Variants in PTCSC3 observed in about 807,000 individuals in gnomAD.
PTCSC3 encodes papillary thyroid carcinoma susceptibility candidate 3 (non-protein coding).
In PTCSC3 at chr14:36,159,967, A is replaced by T. The variant is rs920720926; in HGVS notation, n.231+2657T>A. 8.5e-5 allele frequency among the ~76,000 whole-genome samples: 13 copies of T among 152,080 alleles called. 1 individual carries two copies. The highest frequency in any genetic ancestry group is 6.8e-3 in the Middle Eastern group (2 of 294). ...CTCTTCTTGTTGAATTGATCCCTTT[A>T]CCATTATGTAATGGCCTTCTTTGTC... is the stretch of plus-strand genomic sequence containing the variant. On this transcript the variant is annotated intron_variant and non_coding_transcript_variant, in intron 2 of 3. Transcript: ENST00000556013.
chr14:36,175,816 A>T (rs1260392277), intron 1 of PTCSC3, among the ~76,000 whole-genome samples: 2 of 152,210 alleles, frequency 1.3e-5, no homozygotes, highest in Admixed American at 6.5e-5. Context: ...TGCTTTGATT[A>T]TGTCCTCTGA....
At chr14:36,153,143 A>G (rs1229992331) in intron 3 of PTCSC3, among the ~76,000 whole-genome samples, 1 of 152,074 alleles carries the variant, frequency 6.6e-6, no homozygotes, top group Admixed American at 6.5e-5. Context: ...CTGTCTCCTC[A>G]TTGTATCCTC....
intron 1 of PTCSC3, among the ~76,000 whole-genome samples, chr14:36,171,693 A>G (rs1882196553): frequency 6.6e-6 from 1 of 152,176 alleles, no homozygotes; most frequent in Admixed American, 6.5e-5. Flanking sequence ...GAAAATAACT[A>G]TCAAAGGCAA....
At chr14:36,173,519 C>T (rs947773099) in intron 1 of PTCSC3, among the ~76,000 whole-genome samples, 6 of 151,586 alleles carry the variant, frequency 4.0e-5, no homozygotes, top group African/African-American at 1.2e-4. Context: ...TAACTCTCAG[C>T]ACCATTCTAC....
rs962391011 is a variant in PTCSC3 at position 36,145,647 on chromosome 14, G to C, written n.322+8157C>G. Among the ~76,000 whole-genome samples, 35 of 75,446 alleles carry C rather than the reference G, an allele frequency of 4.6e-4. 3 individuals carry two copies. The highest frequency in any genetic ancestry group is 1.3e-3 in the African/African-American group (32 of 23,856). 49.5% of individuals were successfully genotyped at this position (75,446 alleles called of 152,430 possible). On this transcript the variant is annotated intron_variant and non_coding_transcript_variant, in intron 3 of 3. Coordinates refer to ENST00000556013, the Ensembl canonical transcript of PTCSC3. ...CATTAATTTTTTGAAGGGTTTTTTTGTGTCTCTATTTCCTTCAGTTCTGCT... is the reference window on the plus strand; with the variant it reads ...CATTAATTTTTTGAAGGGTTTTTTTCTGTCTCTATTTCCTTCAGTTCTGCT...
chr14:36,154,280 T>A (rs1357885580), intron 2 of PTCSC3, among the ~76,000 whole-genome samples: 1 of 152,164 alleles, frequency 6.6e-6, no homozygotes, highest in East Asian at 1.9e-4. Flanking sequence ...TGGAGTTTAC[T>A]TTGTAAAAAT....
chr14:36,172,733 CTGGT>C (rs1340319320), intron 1 of PTCSC3, among the ~76,000 whole-genome samples: 1 of 152,058 alleles, frequency 6.6e-6, no homozygotes, highest in Non-Finnish European at 1.5e-5. Flanking sequence ...GCCCCATTGT[CTGGT>C]TGGTCTAATG....
chr14:36,173,139 G>A (rs1302327016), intron 1 of PTCSC3, among the ~76,000 whole-genome samples: 3 of 151,862 alleles, frequency 2.0e-5, no homozygotes, highest in Non-Finnish European at 4.4e-5. Context: ...AGCAAAATTA[G>A]GTATTTAAAG....
chr14:36,150,893 A>G (rs371671622), intron 3 of PTCSC3, among the ~76,000 whole-genome samples: 2 of 152,118 alleles, frequency 1.3e-5, no homozygotes, highest in East Asian at 1.9e-4. Context: ...ATTATTTTGA[A>G]CAAACAATTA....
chr14:36,142,866 T>C (rs1010377708), intron 3 of PTCSC3, among the ~76,000 whole-genome samples: 1 of 142,814 alleles, frequency 7.0e-6, no homozygotes, highest in Non-Finnish European at 1.5e-5. Context: ...GTCCATGTGA[T>C]TTCATTGTTC....
At chr14:36,173,949 T>G (rs1882235262) in intron 1 of PTCSC3, among the ~76,000 whole-genome samples, 1 of 152,168 alleles carries the variant, frequency 6.6e-6, no homozygotes. Flanking sequence ...AAGTAAGTGA[T>G]CATTCTTGTT....
At chr14:36,163,697 C>T (rs1169147) in intron 1 of PTCSC3, among the ~76,000 whole-genome samples, 3 of 151,924 alleles carry the variant, frequency 2.0e-5, no homozygotes, top group Non-Finnish European at 2.9e-5. Context: ...GATATAAGGT[C>T]ATTTTAGTCC....
At chr14:36,165,048 G>A (rs1397013206) in intron 1 of PTCSC3, 1 of 152,274 alleles carries the variant, frequency 6.6e-6, no homozygotes, top group Non-Finnish European at 1.5e-5. Flanking sequence ...ACCTCATTAT[G>A]CAAATAAAGA....
chr14:36,167,108 A>G (rs1332635047), intron 1 of PTCSC3, among the ~76,000 whole-genome samples: 1 of 152,218 alleles, frequency 6.6e-6, no homozygotes, highest in Non-Finnish European at 1.5e-5. Context: ...ATGTTAGAAC[A>G]AGCACATTTG....
intron 3 of PTCSC3, among the ~76,000 whole-genome samples, chr14:36,137,489 TAAGG>T (rs1881314025): frequency 6.6e-6 from 1 of 151,912 alleles, no homozygotes; most frequent in South Asian, 2.1e-4. Flanking sequence ...AGGGGGCAAA[TAAGG>T]AAGGAAGCTG....
At chr14:36,153,118 T>C (rs1057454333) in intron 3 of PTCSC3, among the ~76,000 whole-genome samples, 1 of 152,128 alleles carries the variant, frequency 6.6e-6, no homozygotes, top group Non-Finnish European at 1.5e-5. Flanking sequence ...ATGGTCCTCT[T>C]TGATTTGCAG....
At chr14:36,139,783 G>A (rs929912641) in intron 3 of PTCSC3, among the ~76,000 whole-genome samples, 1 of 152,146 alleles carries the variant, frequency 6.6e-6, no homozygotes, top group African/African-American at 2.4e-5. Context: ...TCAGCGTCTT[G>A]CATTAGTGTG....
intron 3 of PTCSC3, among the ~76,000 whole-genome samples, chr14:36,147,098 T>G (rs935481173): frequency 1.3e-5 from 2 of 152,192 alleles, no homozygotes; most frequent in Non-Finnish European, 2.9e-5. Flanking sequence ...CCTTAACATT[T>G]TTTCCTTCAT....
intron 3 of PTCSC3, among the ~76,000 whole-genome samples, chr14:36,137,245 T>G (rs1209217052): frequency 6.6e-6 from 1 of 151,220 alleles, no homozygotes; most frequent in Non-Finnish European, 1.5e-5. Flanking sequence ...GGGAGCAGCT[T>G]GACATATTTT....
Sources: allele counts gnomAD v4.1 joint callset (sites outside exome capture counted in the v4.1 genomes callset), GRCh38; gene constraint gnomAD v4.1.1; transcripts MANE v1.5; gene names NCBI Gene and HGNC (gene_info 2026-07-23, HGNC 2026-07-21).